Variants in NAALADL2 observed in about 807,000 individuals in gnomAD.
NAALADL2 encodes N-acetylated alpha-linked acidic dipeptidase like 2, also known as inactive N-acetylated-alpha-linked acidic dipeptidase-like protein 2.
In NAALADL2, 76 loss-of-function variants were observed where a neutral mutation model predicts 87.2. The observed-to-expected ratio is 0.87, with a 90% CI of 0.72 to 1.05. The LOEUF (loss-of-function observed/expected upper bound fraction) is 1.05. NAALADL2 is among the 50% of genes least tolerant of loss of function. NAALADL2 has a pLI of 0.00. For missense variants in NAALADL2, 1,089 were observed against 945.8 expected, an observed-to-expected ratio of 1.15 and a Z score of -1.99; for synonymous variants, 354 against 331.0, an observed-to-expected ratio of 1.07 and a Z score of -0.75.
At chr3:175,516,292 C>A (rs923838755) in intron 9 of NAALADL2, among the ~76,000 whole-genome samples, 1 of 152,164 alleles carries the variant, frequency 6.6e-6, no homozygotes. Context: ...TGGCCCATAT[C>A]TCTTCAGGCT....
At chr3:174,899,070 A>C (rs1731985276) in intron 1 of NAALADL2, among the ~76,000 whole-genome samples, 1 of 152,198 alleles carries the variant, frequency 6.6e-6, no homozygotes, top group Non-Finnish European at 1.5e-5. Flanking sequence ...CTGAAGTATC[A>C]TGAAGTGAAA....
intron 4 of NAALADL2, among the ~76,000 whole-genome samples, chr3:175,258,760 C>G (rs773418924): frequency 4.6e-5 from 7 of 151,842 alleles, no homozygotes; most frequent in African/African-American, 7.3e-5. Context: ...ATGTGGGGGA[C>G]GTGATAGAAT....
chr3:175,641,881 C>T (rs1182155154), intron 11 of NAALADL2, among the ~76,000 whole-genome samples: 2 of 152,032 alleles, frequency 1.3e-5, no homozygotes, highest in East Asian at 1.9e-4. Flanking sequence ...GATTCAAATG[C>T]CAGGTATATT....
intron 1 of NAALADL2, among the ~76,000 whole-genome samples, chr3:174,907,291 A>G (rs1733095671): frequency 6.6e-6 from 1 of 152,112 alleles, no homozygotes; most frequent in Non-Finnish European, 1.5e-5. Context: ...AAAAAAAGAT[A>G]CAGCAAATTA....
chr3:175,446,612 A>G (rs1720751891), intron 5 of NAALADL2, among the ~76,000 whole-genome samples: 3 of 152,042 alleles, frequency 2.0e-5, no homozygotes, highest in Non-Finnish European at 4.4e-5. Context: ...TCTCACTCTC[A>G]GTTTTCTGCT....
chr3:174,940,098 T>C (rs922158206), intron 1 of NAALADL2, among the ~76,000 whole-genome samples: 2 of 151,914 alleles, frequency 1.3e-5, no homozygotes, highest in Non-Finnish European at 2.9e-5. Flanking sequence ...TCAAGAGGAA[T>C]GGGGAATACT....
intron 13 of NAALADL2, among the ~76,000 whole-genome samples, chr3:175,757,801 A>G (rs1747464609): frequency 6.6e-6 from 1 of 152,116 alleles, no homozygotes; most frequent in Non-Finnish European, 1.5e-5. Context: ...TGTTAGATGT[A>G]ATAATTGCTG....
chr3:174,641,111 A>G (rs1723135497), intron 2 of NAALADL2, among the ~76,000 whole-genome samples: 1 of 151,524 alleles, frequency 6.6e-6, no homozygotes, highest in African/African-American at 2.4e-5. Context: ...TGGCTTGCTC[A>G]GGTGCGCCCT....
Position 175,156,667 on chromosome 3 carries a change from G to A in NAALADL2, c.545+59376G>A, listed in dbSNP as rs181359473. Among the ~76,000 whole-genome samples, 396 of 149,294 alleles carry A rather than the reference G, an allele frequency of 2.7e-3. 1 individual carries two copies. The highest frequency in any genetic ancestry group is 9.6e-3 in the African/African-American group (383 of 39,776). ...TTTGTGGTAGAAAAAGTAGTAGATT[G>A]TCTATCCTTCAAAAATGCTGACCCT... is the stretch of plus-strand genomic sequence containing the variant. On this transcript the variant is annotated intron_variant, in intron 2 of 13. Transcript: ENST00000454872.
intron 1 of NAALADL2, among the ~76,000 whole-genome samples, chr3:175,066,706 A>G (rs761949973): frequency 2.0e-5 from 3 of 152,186 alleles, no homozygotes; most frequent in Non-Finnish European, 4.4e-5. Context: ...TCTGACAGGA[A>G]GGAAGTGTAT....
intron 1 of NAALADL2, among the ~76,000 whole-genome samples, chr3:174,492,275 AAAAAAAAG>A (rs67989826): frequency 0.28 from 41,333 of 150,130 alleles, 5,862 homozygotes; most frequent in South Asian, 0.45. Context: ...CGTCTCAAAA[AAAAAAAAG>A]AAAAAAAGAA....
chr3:175,654,392 T>C (rs1282197745), intron 11 of NAALADL2, among the ~76,000 whole-genome samples: 1 of 152,218 alleles, frequency 6.6e-6, no homozygotes, highest in East Asian at 1.9e-4. Flanking sequence ...CTTGTTATCC[T>C]GACATATTTT....
intron 4 of NAALADL2, among the ~76,000 whole-genome samples, chr3:175,277,542 A>G (rs1406775456): frequency 1.3e-5 from 2 of 152,170 alleles, no homozygotes; most frequent in African/African-American, 2.4e-5. Context: ...GTCTTCATCT[A>G]GTAGTCTTTT....
chr3:175,391,454 A>G (rs906261725), intron 5 of NAALADL2, among the ~76,000 whole-genome samples: 1 of 152,128 alleles, frequency 6.6e-6, no homozygotes, highest in Non-Finnish European at 1.5e-5. Flanking sequence ...CATATTGCAA[A>G]CTTCCCTTTG....
rs779567135 is a variant in NAALADL2, at chr3:175,241,855, A to ATTTTTTTTTTTTTTTTT, written c.819+7657_819+7673dup. On this transcript the variant is annotated intron_variant, in intron 3 of 13. Coordinates refer to ENST00000454872, the MANE Select transcript of NAALADL2 (RefSeq NM_207015.3). ...TAGTGAGAAAGTATCTGGATGCTGA[A>ATTTTTTTTTTTTTTTTT]TTTTTTTTTTTTTTTTTTTTTTCTT... Among the ~76,000 whole-genome samples, 19 of 83,818 alleles carry ATTTTTTTTTTTTTTTTT rather than the reference A, an allele frequency of 2.3e-4. 2 individuals are homozygous for ATTTTTTTTTTTTTTTTT. The highest frequency in any genetic ancestry group is 5.2e-4 in the South Asian group (1 of 1,920). The allele number at this position is 83,818 out of a possible 152,430, so 55.0% of individuals were successfully genotyped here.
At chr3:175,153,597 G>C (rs1331747439) in intron 2 of NAALADL2, among the ~76,000 whole-genome samples, 2 of 152,058 alleles carry the variant, frequency 1.3e-5, no homozygotes, top group Non-Finnish European at 1.5e-5. Flanking sequence ...TACATTTTAG[G>C]GTTCAAGTAA....
At chr3:175,306,785 G>T (rs1434373427) in intron 4 of NAALADL2, among the ~76,000 whole-genome samples, 1 of 152,176 alleles carries the variant, frequency 6.6e-6, no homozygotes, top group Non-Finnish European at 1.5e-5. Context: ...GGAGGAGGTT[G>T]CAGTGAGCCA....
At chr3:174,921,822 G>A (rs200556364) in intron 1 of NAALADL2, among the ~76,000 whole-genome samples, 2,509 of 63,792 alleles carry the variant, frequency 0.039, 71 homozygotes, top group African/African-American at 0.078. Flanking sequence ...AAAAAAAAAA[G>A]AAAAAGAAAA....
intron 6 of NAALADL2, among the ~76,000 whole-genome samples, chr3:175,459,223 T>C (rs1722759821): frequency 6.6e-6 from 1 of 151,964 alleles, no homozygotes; most frequent in Non-Finnish European, 1.5e-5. Flanking sequence ...GAGAATAAAA[T>C]ATGTTAGCAA....
Sources: allele counts gnomAD v4.1 joint callset (sites outside exome capture counted in the v4.1 genomes callset), GRCh38; gene constraint gnomAD v4.1.1; transcripts MANE v1.5; gene names NCBI Gene and HGNC (gene_info 2026-07-23, HGNC 2026-07-21).